SLC24A2: variants seen among roughly 807,000 people sequenced by gnomAD.
The protein encoded by SLC24A2 is sodium/potassium/calcium exchanger 2.
In SLC24A2, 36 loss-of-function variants were observed where a neutral mutation model predicts 62.0. The ratio of observed to expected loss-of-function variants is 0.58; its 90% confidence interval spans 0.44 to 0.77. The LOEUF is 0.77. Among genes scored for constraint, SLC24A2 ranks in the 30% least tolerant of loss-of-function variants. SLC24A2 has a pLI of 0.00. For missense variants in SLC24A2, 846 were observed against 817.9 expected (o/e 1.03, Z -0.42); for synonymous variants, 358 against 294.0 (o/e 1.22, Z -2.23).
chr9:19,518,258 A>T (rs925677132), intron 10 of SLC24A2, among the ~76,000 whole-genome samples: 1 of 152,210 alleles, frequency 6.6e-6, no homozygotes, highest in Non-Finnish European at 1.5e-5. Flanking sequence ...TTAGAATGCT[A>T]CAGGAAAATA....
the SLC24A2 span, among the ~76,000 whole-genome samples, chr9:20,171,326 G>A: frequency 6.6e-6 from 1 of 151,702 alleles, no homozygotes; most frequent in Non-Finnish European, 1.5e-5. Context: ...AGGTATACAG[G>A]CAACAAATAG....
chr9:19,741,820 A>T (rs1157380222), intron 2 of SLC24A2, among the ~76,000 whole-genome samples: 1 of 152,232 alleles, frequency 6.6e-6, no homozygotes, highest in Non-Finnish European at 1.5e-5. Context: ...TGTGTAAAAA[A>T]TCAACAGCTT....
the SLC24A2 span, among the ~76,000 whole-genome samples, chr9:20,078,133 C>G: frequency 2.0e-5 from 3 of 152,106 alleles, no homozygotes; most frequent in Non-Finnish European, 4.4e-5. Context: ...AACCTATAGG[C>G]TGCCCCTTTT....
chr9:20,205,774 A>G, the SLC24A2 span, among the ~76,000 whole-genome samples: 25 of 152,294 alleles, frequency 1.6e-4, no homozygotes, highest in Non-Finnish European at 2.9e-4. Flanking sequence ...AAAGAAAACA[A>G]CTGACACTAT....
At chr9:20,129,804 A>G in the SLC24A2 span, among the ~76,000 whole-genome samples, 36 of 152,078 alleles carry the variant, frequency 2.4e-4, no homozygotes, top group Non-Finnish European at 4.6e-4. Context: ...CACTGCTTGA[A>G]GAGTGAAAGG....
chr9:20,079,090 C>G, the SLC24A2 span, among the ~76,000 whole-genome samples: 1 of 143,576 alleles, frequency 7.0e-6, no homozygotes, highest in Non-Finnish European at 1.6e-5. Flanking sequence ...CCAGGTGGGC[C>G]CTAAATCCAA....
At chr9:20,139,738 T>C in the SLC24A2 span, among the ~76,000 whole-genome samples, 1 of 152,204 alleles carries the variant, frequency 6.6e-6, no homozygotes, top group Non-Finnish European at 1.5e-5. Context: ...CCTCTGCCCC[T>C]ATCTGCCTCC....
chr9:19,989,471 G>A, the SLC24A2 span, among the ~76,000 whole-genome samples: 3 of 152,168 alleles, frequency 2.0e-5, no homozygotes, highest in Non-Finnish European at 1.5e-5. Context: ...TGTCAGTTAT[G>A]ACACCTAGTC....
At chr9:19,591,693 G>T (rs2209797) in intron 5 of SLC24A2, among the ~76,000 whole-genome samples, 140,626 of 152,256 alleles carry the variant, frequency 0.92, 65,170 homozygotes, top group African/African-American at 0.95. Flanking sequence ...AATCATATAC[G>T]AGGGTGGTGG....
chr9:19,665,162 C>T (rs1028505540), intron 2 of SLC24A2, among the ~76,000 whole-genome samples: 4 of 152,172 alleles, frequency 2.6e-5, no homozygotes, highest in African/African-American at 9.7e-5. Context: ...AGGGGAATGA[C>T]ACCATCTATC....
the SLC24A2 span, among the ~76,000 whole-genome samples, chr9:20,113,251 T>G: frequency 1.2e-4 from 19 of 152,144 alleles, no homozygotes; most frequent in African/African-American, 4.1e-4. Context: ...AAGAACAGAC[T>G]CTATGCCCGC....
At chr9:20,019,255 GAAAGAA>G in the SLC24A2 span, among the ~76,000 whole-genome samples, 17 of 88,422 alleles carry the variant, frequency 1.9e-4, no homozygotes, top group Non-Finnish European at 3.0e-4. Context: ...GAAGGAAAGA[GAAAGAA>G]AGAAAGAAAG....
chr9:19,798,598 CCACA>C, the SLC24A2 span, among the ~76,000 whole-genome samples: 73 of 146,544 alleles, frequency 5.0e-4, no homozygotes, highest in East Asian at 5.9e-4. Context: ...ATCCTTTATA[CCACA>C]CACACACACA....
At chr9:19,756,552 T>C (rs931561933) in intron 2 of SLC24A2, among the ~76,000 whole-genome samples, 1 of 152,230 alleles carries the variant, frequency 6.6e-6, no homozygotes, top group African/African-American at 2.4e-5. Flanking sequence ...TATATTATCC[T>C]ACAGTTTCTG....
At chr9:19,675,081 G>C (rs1320969168) in intron 2 of SLC24A2, among the ~76,000 whole-genome samples, 2 of 152,096 alleles carry the variant, frequency 1.3e-5, no homozygotes, top group African/African-American at 2.4e-5. Flanking sequence ...CCTTCCCCTA[G>C]GGATGGGACT....
intron 10 of SLC24A2, among the ~76,000 whole-genome samples, chr9:19,519,870 A>C (rs1833105378): frequency 6.6e-6 from 1 of 151,736 alleles, no homozygotes. Context: ...CTCACAGCAG[A>C]GTTTTATGCA....
the SLC24A2 span, among the ~76,000 whole-genome samples, chr9:19,941,383 G>A: frequency 6.6e-6 from 1 of 152,098 alleles, no homozygotes; most frequent in Non-Finnish European, 1.5e-5. Context: ...ACCCTTTATG[G>A]GGTTCCATTT....
chr9:19,844,699 G>A, the SLC24A2 span, among the ~76,000 whole-genome samples: 1 of 152,134 alleles, frequency 6.6e-6, no homozygotes, highest in South Asian at 2.1e-4. Context: ...TTTTTATATG[G>A]TGAAAGGCAG....
intron 2 of SLC24A2, among the ~76,000 whole-genome samples, chr9:19,738,019 T>C (rs186361898): frequency 6.6e-6 from 1 of 152,300 alleles, no homozygotes; most frequent in African/African-American, 2.4e-5. Flanking sequence ...AAAATGTTGC[T>C]AATTTACGAA....
Sources: gnomAD v4.1 joint callset for allele counts (sites outside exome capture counted in the v4.1 genomes callset) on GRCh38, gnomAD v4.1.1 for gene constraint, MANE v1.5 for transcripts, NCBI Gene and HGNC (gene_info 2026-07-23, HGNC 2026-07-21) for gene names.